The following GRB14 variants were observed in gnomAD, a reference collection of about 807,000 sequenced individuals.
GRB14 encodes growth factor receptor-bound protein 14.
A neutral mutation model predicts 69.1 loss-of-function variants in GRB14; 38 were observed. That is an observed-to-expected ratio of 0.55 (90% CI 0.42 to 0.72). The LOEUF (loss-of-function observed/expected upper bound fraction) is 0.72. Ranked by LOEUF, GRB14 falls within the 30% of genes least tolerant of loss-of-function variation. GRB14 has a pLI of 0.00. For synonymous variants in GRB14, 247 were observed against 241.3 expected, an observed-to-expected ratio of 1.02 and a Z score of -0.22; for missense variants, 666 against 666.1, an observed-to-expected ratio of 1.00 and a Z score of 0.00.
intron 2 of GRB14, among the ~76,000 whole-genome samples, chr2:164,615,882 A>G (rs1690278442): frequency 6.6e-6 from 1 of 152,186 alleles, no homozygotes; most frequent in Non-Finnish European, 1.5e-5. Flanking sequence ...AAAGATTTCT[A>G]ACTCTTTGCT....
At chr2:164,550,502 A>G (rs1688506829) in intron 2 of GRB14, among the ~76,000 whole-genome samples, 2 of 152,218 alleles carry the variant, frequency 1.3e-5, no homozygotes, top group South Asian at 2.1e-4. Flanking sequence ...TGACAGTGCA[A>G]TGAAATAGTT....
chr2:164,587,742 C>T (rs76565562), intron 2 of GRB14, among the ~76,000 whole-genome samples: 4,333 of 152,190 alleles, frequency 0.028, 78 homozygotes, highest in Non-Finnish European at 0.041. Context: ...GCTTACTAAT[C>T]GAAAACTGAC....
chr2:164,587,417 C>T (rs974715890), intron 2 of GRB14, among the ~76,000 whole-genome samples: 1 of 152,244 alleles, frequency 6.6e-6, no homozygotes, highest in African/African-American at 2.4e-5. Flanking sequence ...CAAGATAGTT[C>T]CTCTGCCTAA....
At chr2:164,540,803 G>A (rs1406507593) in intron 3 of GRB14, among the ~76,000 whole-genome samples, 2 of 152,148 alleles carry the variant, frequency 1.3e-5, no homozygotes, top group Admixed American at 1.3e-4. Flanking sequence ...TGCTCATACT[G>A]CATCCCCAGA....
At chr2:164,583,041 C>T (rs1272690981) in intron 2 of GRB14, among the ~76,000 whole-genome samples, 1 of 152,186 alleles carries the variant, frequency 6.6e-6, no homozygotes, top group East Asian at 1.9e-4. Flanking sequence ...CTTCACCATC[C>T]ACACTTCCCC....
chr2:164,561,871 A>T (rs1008457780), intron 2 of GRB14, among the ~76,000 whole-genome samples: 2 of 152,194 alleles, frequency 1.3e-5, no homozygotes, highest in Non-Finnish European at 2.9e-5. Context: ...TGTGAAGGGT[A>T]TACCAAATTG....
intron 9 of GRB14, among the ~76,000 whole-genome samples, chr2:164,498,617 G>A (rs1686967992): frequency 6.6e-6 from 1 of 152,128 alleles, no homozygotes; most frequent in African/African-American, 2.4e-5. Flanking sequence ...CCAAAGTGGT[G>A]TTATAATAGT....
At chr2:164,500,535 T>C (rs1378721809) in intron 9 of GRB14, among the ~76,000 whole-genome samples, 3 of 152,068 alleles carry the variant, frequency 2.0e-5, no homozygotes, top group African/African-American at 7.2e-5. Flanking sequence ...CCCTGATTCT[T>C]CCCAAATAAT....
At position 164,521,972 on chromosome 2, in the gene GRB14, C is replaced by A; in HGVS notation, c.816+8G>T. On this transcript the variant is annotated splice_region_variant and intron_variant, in intron 6 of 13. Coordinates refer to ENST00000263915, the MANE Select transcript of GRB14 (RefSeq NM_004490.3). ...CAGTCATAACACATCATGGATACTT[C>A]AATTTACCTTTGATGTTCCTTTAGT... 1.3e-6 allele frequency: 2 copies of A among 1,594,048 alleles called. No homozygotes were observed. The highest frequency in any genetic ancestry group is 1.7e-5 in the Admixed American group (1 of 57,958).
chr2:164,601,252 C>T (rs1009262886), intron 2 of GRB14, among the ~76,000 whole-genome samples: 4 of 151,644 alleles, frequency 2.6e-5, no homozygotes, highest in African/African-American at 7.3e-5. Context: ...ATAATAATAA[C>T]GACAATGATT....
At chr2:164,541,473 C>CA (rs963774405) in intron 3 of GRB14, among the ~76,000 whole-genome samples, 2 of 150,854 alleles carry the variant, frequency 1.3e-5, no homozygotes, top group African/African-American at 4.9e-5. Flanking sequence ...ACTCCGTCTC[C>CA]AAAAAATAAT....
intron 3 of GRB14, among the ~76,000 whole-genome samples, chr2:164,542,571 A>G (rs1688267990): frequency 6.6e-6 from 1 of 152,210 alleles, no homozygotes; most frequent in Non-Finnish European, 1.5e-5. Flanking sequence ...ACCCCATTAT[A>G]AAGTGGTGAA....
At chr2:164,616,991 G>C (rs985286510) in intron 2 of GRB14, among the ~76,000 whole-genome samples, 3 of 152,140 alleles carry the variant, frequency 2.0e-5, no homozygotes, top group African/African-American at 4.8e-5. Flanking sequence ...ACTGAGTTGG[G>C]GGACTCACTT....
At chr2:164,548,766 G>C (rs1490607812) in intron 2 of GRB14, among the ~76,000 whole-genome samples, 2 of 152,120 alleles carry the variant, frequency 1.3e-5, no homozygotes, top group Non-Finnish European at 2.9e-5. Context: ...ATGGGTATGA[G>C]GTAATATCTC....
chr2:164,603,605 G>C (rs1257718698), intron 2 of GRB14, among the ~76,000 whole-genome samples: 1 of 151,294 alleles, frequency 6.6e-6, no homozygotes, highest in Non-Finnish European at 1.5e-5. Flanking sequence ...AGAGGTTGCA[G>C]TGAGCCAAGG....
At chr2:164,531,554 T>C (rs1271714672) in intron 3 of GRB14, among the ~76,000 whole-genome samples, 4 of 152,200 alleles carry the variant, frequency 2.6e-5, no homozygotes, top group African/African-American at 7.2e-5. Flanking sequence ...CAGTAGACTT[T>C]ATCAATTTTT....
intron 6 of GRB14, among the ~76,000 whole-genome samples, chr2:164,509,440 T>G (rs1221885442): frequency 6.6e-6 from 1 of 152,158 alleles, no homozygotes; most frequent in Non-Finnish European, 1.5e-5. Flanking sequence ...AGAGGAATGT[T>G]TCTGATTTTC....
At chr2:164,527,230 GAC>G in intron 3 of GRB14, 95 bp from the exon 4 acceptor site, 2 of 241,418 alleles carry the variant, frequency 8.3e-6, no homozygotes, top group Non-Finnish European at 1.4e-5. Context: ...TACACACACA[GAC>G]ACATACAAAC....
intron 2 of GRB14, among the ~76,000 whole-genome samples, chr2:164,571,046 A>G (rs926256351): frequency 3.9e-5 from 6 of 152,212 alleles, no homozygotes; most frequent in African/African-American, 1.4e-4. Context: ...TAGTCAGCAG[A>G]CTGAACAAGA....
Sources: allele counts gnomAD v4.1 joint callset (sites outside exome capture counted in the v4.1 genomes callset), GRCh38; gene constraint gnomAD v4.1.1; transcripts MANE v1.5; gene names NCBI Gene and HGNC (gene_info 2026-07-23, HGNC 2026-07-21).